The following MALL variants were observed in gnomAD, a reference collection of about 807,000 sequenced individuals.
MALL encodes mal, T cell differentiation protein like, also known as MAL-like protein.
MALL carries 2 observed loss-of-function variants against 10.3 expected under a neutral mutation model. The ratio of observed to expected loss-of-function variants is 0.19; its 90% confidence interval spans 0.08 to 0.61. The LOEUF is 0.61. MALL is among the 20% of genes least tolerant of loss of function. The probability of loss-of-function intolerance (pLI) is 0.88; values close to 1 mark genes in which losing one functional copy is unlikely to be tolerated. For missense variants in MALL, 39 were observed against 115.2 expected (o/e 0.34, Z 3.03); for synonymous variants, 27 against 51.8 (o/e 0.52, Z 2.05).
chr2:110,103,742 C>T lies in MALL; in HGVS notation c.105+11946G>A, dbSNP rs533321587. The stretch of plus-strand genomic sequence containing the variant: ...CCCTCCGGGTGGGCTGGCCTTCTGA[C>T]AGTGTGCTTGGTTGCCTGTCTTGGC... On this transcript the variant is annotated intron_variant, in intron 1 of 3. Transcript: ENST00000272462. 6.6e-5 allele frequency among the ~76,000 whole-genome samples: 10 copies of T among 152,304 alleles called. 1 individual carries two copies. The highest frequency in any genetic ancestry group is 3.3e-4 in the Admixed American group (5 of 15,308).
chr2:110,097,453 G>A (rs554388578), intron 1 of MALL: 81 of 456,398 alleles, frequency 1.8e-4, no homozygotes, highest in African/African-American at 1.5e-3. Flanking sequence ...ATTCTGAATG[G>A]GAAGAGATAA....
intron 1 of MALL, among the ~76,000 whole-genome samples, chr2:110,110,860 A>T (rs1443237835): frequency 6.6e-6 from 1 of 152,176 alleles, no homozygotes; most frequent in Non-Finnish European, 1.5e-5. Context: ...TATCAAAAAG[A>T]TAACCCACCA....
upstream of MALL, among the ~76,000 whole-genome samples, chr2:110,117,408 C>T (rs1323489469): frequency 6.6e-6 from 1 of 152,068 alleles, no homozygotes. Flanking sequence ...GAAAATAATA[C>T]AACCCATAAC....
intron 1 of MALL, among the ~76,000 whole-genome samples, chr2:110,106,741 C>T (rs1574035451): frequency 6.6e-6 from 1 of 152,060 alleles, no homozygotes; most frequent in South Asian, 2.1e-4. Context: ...TGAGCATTAC[C>T]CCCACACAAA....
chr2:110,115,537 C>T (rs1030044479), intron 1 of MALL, 151 bp downstream of exon 1: 19 of 430,248 alleles, frequency 4.4e-5, no homozygotes, highest in Non-Finnish European at 7.2e-5. Flanking sequence ...GGCCGGTCTC[C>T]CCCCCCCTCT....
At chr2:110,092,626 C>T (rs1302026155) in intron 1 of MALL, among the ~76,000 whole-genome samples, 29 of 105,328 alleles carry the variant, frequency 2.8e-4, no homozygotes, top group Admixed American at 9.0e-4. Context: ...ATTCTTCTCA[C>T]GCACACCAAC....
chr2:110,117,148 G>C (rs1242162533), upstream of MALL, among the ~76,000 whole-genome samples: 1 of 152,100 alleles, frequency 6.6e-6, no homozygotes, highest in Non-Finnish European at 1.5e-5. Flanking sequence ...GGAAGTAAGG[G>C]AGACCCTAAT....
chr2:110,115,362 C>G (rs1381787076), intron 1 of MALL, among the ~76,000 whole-genome samples: 1 of 152,136 alleles, frequency 6.6e-6, no homozygotes, highest in Non-Finnish European at 1.5e-5. Context: ...GGGAGGAACC[C>G]CCTTGGCGGC....
At chr2:110,111,960 C>T (rs1162565409) in intron 1 of MALL, among the ~76,000 whole-genome samples, 1 of 152,162 alleles carries the variant, frequency 6.6e-6, no homozygotes, top group Non-Finnish European at 1.5e-5. Context: ...TTTGACAAAG[C>T]AAACAAAAAC....
intron 1 of MALL, among the ~76,000 whole-genome samples, chr2:110,095,507 A>G (rs1346511109): frequency 1.3e-5 from 2 of 152,156 alleles, no homozygotes; most frequent in East Asian, 1.9e-4. Context: ...TTTAAAACCT[A>G]TTCTTCTCTA....
intron 1 of MALL, among the ~76,000 whole-genome samples, chr2:110,106,135 T>G (rs1040467447): frequency 6.6e-6 from 1 of 152,196 alleles, no homozygotes; most frequent in Non-Finnish European, 1.5e-5. Context: ...AGCTGTTTGT[T>G]TTAAACTAGT....
At chr2:110,099,805 A>G (rs748857342) in intron 1 of MALL, among the ~76,000 whole-genome samples, 3 of 152,046 alleles carry the variant, frequency 2.0e-5, no homozygotes, top group Non-Finnish European at 4.4e-5. Flanking sequence ...GTGAACCTGG[A>G]GCTATGAAAT....
At position 110,098,599 on chromosome 2, in the gene MALL, T is replaced by C. The variant is rs1469683736; in HGVS notation, c.106-6829A>G. On this transcript the variant is annotated intron_variant, in intron 1 of 3. Coordinates refer to ENST00000272462, the MANE Select transcript of MALL (RefSeq NM_005434.5). Reference sequence around the variant, plus strand: ...CATTGCATATGTGTGTCACAGTTGGTTTATCCACTCATTTGCTTATACGCA... The same window carrying C: ...CATTGCATATGTGTGTCACAGTTGGCTTATCCACTCATTTGCTTATACGCA... Among the ~76,000 whole-genome samples the C allele has an allele frequency of 2.6e-5, 4 of 152,212 alleles. No individual in the cohort carries two copies. In the East Asian group the frequency reaches 7.7e-4, roughly 29 times the overall value.
chr2:110,097,711 G>C (rs549918741), intron 1 of MALL: 72 of 331,708 alleles, frequency 2.2e-4, no homozygotes, highest in Middle Eastern at 1.6e-3. Flanking sequence ...GGCAGACAAG[G>C]AGCTGAGAAG....
intron 1 of MALL, among the ~76,000 whole-genome samples, chr2:110,112,863 G>A (rs1268023804): frequency 6.7e-6 from 1 of 149,798 alleles, no homozygotes; most frequent in Non-Finnish European, 1.5e-5. Context: ...GGTAGATAAA[G>A]AAACTGTGAT....
intron 1 of MALL, among the ~76,000 whole-genome samples, chr2:110,095,684 A>G (rs1198222816): frequency 6.6e-6 from 1 of 151,984 alleles, no homozygotes; most frequent in Non-Finnish European, 1.5e-5. Flanking sequence ...TAATCGCGTC[A>G]TCATTTAAAA....
intron 1 of MALL, among the ~76,000 whole-genome samples, chr2:110,108,637 AC>A (rs1678742758): frequency 6.6e-6 from 1 of 152,196 alleles, no homozygotes; most frequent in Admixed American, 6.5e-5. Flanking sequence ...ATCAAGGAAA[AC>A]TTTCCTGACC....
intron 1 of MALL, among the ~76,000 whole-genome samples, chr2:110,092,705 TA>T (rs1678397456): frequency 2.1e-5 from 2 of 94,742 alleles, no homozygotes. Flanking sequence ...TAAAGTATAA[TA>T]ATAATAATAA....
At chr2:110,114,469 A>G (rs938734714) in intron 1 of MALL, among the ~76,000 whole-genome samples, 1 of 151,748 alleles carries the variant, frequency 6.6e-6, no homozygotes, top group African/African-American at 2.4e-5. Flanking sequence ...TGAGGGGCAC[A>G]CCCAGGGCCT....
Sources: allele counts gnomAD v4.1 joint callset (sites outside exome capture counted in the v4.1 genomes callset), GRCh38; gene constraint gnomAD v4.1.1; transcripts MANE v1.5; gene names NCBI Gene and HGNC (gene_info 2026-07-23, HGNC 2026-07-21).